The following KLKB1 variants were observed in gnomAD, a reference collection of about 807,000 sequenced individuals.
KLKB1 encodes the protein kallikrein B1.
Under a neutral mutation model 73.6 loss-of-function variants are expected in KLKB1, and 58 were observed. That is an observed-to-expected ratio of 0.79 (90% CI 0.64 to 0.98). The LOEUF is 0.98. Among genes scored for constraint, KLKB1 ranks in the 50% least tolerant of loss-of-function variants. KLKB1 has a pLI of 0.00. For missense variants in KLKB1, 737 were observed against 763.8 expected, an observed-to-expected ratio of 0.96 and a Z score of 0.41; for synonymous variants, 280 against 258.1, an observed-to-expected ratio of 1.08 and a Z score of -0.81.
chr4:186,233,891 A>G, intron 3 of KLKB1, 61 bp from the exon 4 acceptor site: 1 of 1,156,988 alleles, frequency 8.6e-7, no homozygotes, highest in South Asian at 1.2e-5. Context: ...AGAAAATGCT[A>G]GACATTTCCT....
chr4:186,241,141 C>T (rs1024874498), intron 6 of KLKB1, among the ~76,000 whole-genome samples: 3 of 152,136 alleles, frequency 2.0e-5, no homozygotes, highest in Non-Finnish European at 1.5e-5. Flanking sequence ...GTCCCCGTTC[C>T]TCAGGGAACA....
In KLKB1 at chr4:186,236,858, G is replaced by T. The variant is rs143821671; in HGVS notation, c.406G>T (p.Glu136Ter). 1 of 1,613,928 alleles carries T rather than the reference G, an allele frequency of 6.2e-7. No individual in the cohort carries two copies. Among genetic ancestry groups the T allele is most frequent in the Non-Finnish European group, 8.5e-7 (1 of 1,179,940 alleles). ...TGTGTCTAAGGTTAGCAGTGTTGAA[G>T]AATGCCAAAAAAGGTGCACCAGTAA... ...FNVSKVSSVE[E>*]CQKRCTSNIR... The change falls in exon 5 of 15, where the codon GAA (glutamate) becomes TAA (stop). Residue 136 changes from glutamate to a stop codon, truncating the protein, a stop_gained. Transcript: ENST00000264690. LOFTEE classifies it high-confidence loss of function.
At position 186,228,222 on chromosome 4, in the gene KLKB1, T is replaced by C; in HGVS notation, c.27T>C (p.Tyr9=). 1.3e-6 allele frequency: 2 copies of C among 1,590,840 alleles called. No homozygotes were observed. Residue 9 remains tyrosine, a synonymous_variant, in exon 2 of 15, where the codon TAT becomes TAC. Coordinates refer to ENST00000264690, the MANE Select transcript of KLKB1 (RefSeq NM_000892.5). ...TGATTTTATTCAAGCAAGCAACTTA[T>C]TTCATTTCCTTGTTTGCTACAGTTT... MILFKQAT[Y]FISLFATVSC...
At chr4:186,244,534 C>T (rs1738226059) in intron 6 of KLKB1, among the ~76,000 whole-genome samples, 1 of 151,968 alleles carries the variant, frequency 6.6e-6, no homozygotes, top group East Asian at 1.9e-4. Context: ...CAGGGTCAGT[C>T]CAAGTGAAAG....
chr4:186,244,187 C>A (rs889914805), intron 6 of KLKB1, among the ~76,000 whole-genome samples: 1 of 152,012 alleles, frequency 6.6e-6, no homozygotes, highest in Non-Finnish European at 1.5e-5. Context: ...TAAGGAATGG[C>A]AAGAGGAGTG....
At chr4:186,232,463 T>C (rs577185667) in intron 3 of KLKB1, among the ~76,000 whole-genome samples, 174 bp downstream of exon 3, 20 of 152,336 alleles carry the variant, frequency 1.3e-4, no homozygotes, top group African/African-American at 4.6e-4. Flanking sequence ...ACAACCCAGA[T>C]CTGCTGAACC....
upstream of KLKB1, among the ~76,000 whole-genome samples, chr4:186,226,712 T>G (rs1218705306): frequency 6.6e-6 from 1 of 152,172 alleles, no homozygotes; most frequent in Non-Finnish European, 1.5e-5. Context: ...CAAGGTCCAC[T>G]GGGGTGAGCC....
At chr4:186,257,987 C>T (rs772242602) in intron 14 of KLKB1, 34 bp from the exon 15 acceptor site, 2 of 1,600,922 alleles carry the variant, frequency 1.2e-6, no homozygotes, top group Admixed American at 1.7e-5. Context: ...ATTGTCGTAA[C>T]TTTCTACTAT....
chr4:186,231,046 G>A (rs1214052371), intron 2 of KLKB1, among the ~76,000 whole-genome samples: 3 of 152,170 alleles, frequency 2.0e-5, no homozygotes, highest in African/African-American at 7.2e-5. Context: ...TTGTTGGGTT[G>A]GGTGGTCATA....
At chr4:186,223,596 A>G (rs1049934006), upstream of KLKB1, among the ~76,000 whole-genome samples, 4 of 152,242 alleles carry the variant, frequency 2.6e-5, no homozygotes, top group Non-Finnish European at 5.9e-5. Context: ...GGTATCTGTC[A>G]GAATAAATTT....
chr4:186,238,031 G>A (rs1248435817), intron 5 of KLKB1, among the ~76,000 whole-genome samples: 1 of 152,146 alleles, frequency 6.6e-6, no homozygotes, highest in African/African-American at 2.4e-5. Flanking sequence ...CTTATAGAAT[G>A]AGGGTTTAGT....
At chr4:186,254,477 G>A (rs944926518) in intron 11 of KLKB1, 111 bp from the exon 12 acceptor site, 11 of 907,418 alleles carry the variant, frequency 1.2e-5, no homozygotes, top group Non-Finnish European at 1.8e-5. Context: ...AGGAGAAAAT[G>A]TGTCCTATGT....
chr4:186,242,740 T>G (rs909603480), intron 6 of KLKB1, among the ~76,000 whole-genome samples: 6 of 152,120 alleles, frequency 3.9e-5, no homozygotes, highest in African/African-American at 1.2e-4. Flanking sequence ...GGTGAGTTTT[T>G]GGGCTCTATC....
Position 186,240,653 on chromosome 4 carries a change from G to T in KLKB1, c.598+2288G>T, listed in dbSNP as rs979265014. Among the ~76,000 whole-genome samples the T allele has an allele frequency of 2.6e-5, 4 of 152,314 alleles. No individual in the cohort carries two copies. The East Asian group carries it at 7.7e-4, about 29-fold the overall frequency. On this transcript the variant is annotated intron_variant, in intron 6 of 14. Coordinates refer to ENST00000264690, the MANE Select transcript of KLKB1 (RefSeq NM_000892.5). ...GGCTCTGTGCCTGGCCCTGTATTGG[G>T]TGCTGGGCTAGGATTTCCCTGTGGA...
chr4:186,215,531 T>C (rs1736877717), intron 2 of KLKB1, among the ~76,000 whole-genome samples: 1 of 152,218 alleles, frequency 6.6e-6, no homozygotes, highest in Non-Finnish European at 1.5e-5. Flanking sequence ...TTAAGTTTTA[T>C]GCTTATGGAA....
At chr4:186,227,481 T>C (rs1737205800), upstream of KLKB1, 1 of 152,224 alleles carries the variant, frequency 6.6e-6, no homozygotes, top group Admixed American at 6.5e-5. Context: ...AAAGTCAATA[T>C]TGAAGCCAAG....
chr4:186,250,971 A>G (rs1341696061), intron 7 of KLKB1: 6 of 495,286 alleles, frequency 1.2e-5, no homozygotes, highest in African/African-American at 9.8e-5. Context: ...TAGAAGGTGG[A>G]ACTTCATCAT....
At chr4:186,241,791 G>A (rs976950134) in intron 6 of KLKB1, among the ~76,000 whole-genome samples, 3 of 152,112 alleles carry the variant, frequency 2.0e-5, no homozygotes, top group Non-Finnish European at 4.4e-5. Flanking sequence ...GTTTCTGTTC[G>A]GAGGCTAACC....
chr4:186,234,199 A>G, intron 4 of KLKB1, 141 bp downstream of exon 4: 4 of 700,980 alleles, frequency 5.7e-6, no homozygotes, highest in South Asian at 1.5e-5. Flanking sequence ...TCTGGACACA[A>G]AAGAGGGACC....
Sources: gnomAD v4.1 joint callset for allele counts (sites outside exome capture counted in the v4.1 genomes callset) on GRCh38, gnomAD v4.1.1 for gene constraint, MANE v1.5 for transcripts, NCBI Gene and HGNC (gene_info 2026-07-23, HGNC 2026-07-21) for gene names.